The following IMMP1L variants were observed in gnomAD, a reference collection of about 807,000 sequenced individuals.
IMMP1L encodes the protein mitochondrial inner membrane protease subunit 1.
IMMP1L carries 24 observed loss-of-function variants against 21.8 expected under a neutral mutation model. That is an observed-to-expected ratio of 1.10 (90% CI 0.80 to 1.55). The LOEUF (loss-of-function observed/expected upper bound fraction) is 1.55. Ranked by LOEUF, IMMP1L falls within the 40% of genes most tolerant of loss-of-function variation. The pLI is 0.00. For synonymous variants in IMMP1L, 46 were observed against 62.8 expected, an observed-to-expected ratio of 0.73 and a Z score of 1.26; for missense variants, 195 against 200.7, an observed-to-expected ratio of 0.97 and a Z score of 0.17.
intron 3 of IMMP1L, among the ~76,000 whole-genome samples, chr11:31,457,487 G>C (rs1953985826): frequency 6.6e-6 from 1 of 152,098 alleles, no homozygotes; most frequent in African/African-American, 2.4e-5. Context: ...ATTGTACCTA[G>C]TTCCAGAAAT....
At chr11:31,437,256 T>C (rs1276477843) in intron 4 of IMMP1L, 2 of 360,296 alleles carry the variant, frequency 5.6e-6, no homozygotes, top group East Asian at 1.4e-4. Flanking sequence ...AACATGAAAT[T>C]CATTTATGTT....
intron 4 of IMMP1L, among the ~76,000 whole-genome samples, chr11:31,442,823 CAG>C (rs1953382504): frequency 6.6e-6 from 1 of 151,836 alleles, no homozygotes; most frequent in Admixed American, 6.6e-5. Flanking sequence ...TGAAAGCAAT[CAG>C]ATAGTCTTTT....
intron 1 of IMMP1L, among the ~76,000 whole-genome samples, chr11:31,497,460 CTT>C (rs796666845): frequency 7.9e-4 from 98 of 123,968 alleles, no homozygotes; most frequent in East Asian, 4.9e-3. Flanking sequence ...TATTTCTTTT[CTT>C]TTTTTTTTTT....
intron 4 of IMMP1L, among the ~76,000 whole-genome samples, chr11:31,438,429 AG>A (rs1359672220): frequency 2.6e-5 from 4 of 152,130 alleles, no homozygotes; most frequent in African/African-American, 9.7e-5. Context: ...CATGGATACA[AG>A]TCCTTTGATG....
intron 4 of IMMP1L, among the ~76,000 whole-genome samples, chr11:31,450,559 C>T (rs960525273): frequency 1.3e-5 from 2 of 152,174 alleles, no homozygotes. Flanking sequence ...TCTCCTGGTA[C>T]ACCGTAAGAG....
At chr11:31,433,438 C>T (rs753805691) in intron 5 of IMMP1L, 22 bp downstream of exon 5, 6 of 1,355,586 alleles carry the variant, frequency 4.4e-6, no homozygotes, top group Non-Finnish European at 4.1e-6. Flanking sequence ...ATAAACCTTA[C>T]ATTTTAAGCA....
At chr11:31,444,435 G>A (rs759113465) in intron 4 of IMMP1L, among the ~76,000 whole-genome samples, 2 of 151,918 alleles carry the variant, frequency 1.3e-5, no homozygotes, top group Non-Finnish European at 2.9e-5. Flanking sequence ...TATAGCTCTG[G>A]TGTTACCCAA....
intron 1 of IMMP1L, among the ~76,000 whole-genome samples, chr11:31,475,641 C>A (rs751673277): frequency 6.6e-6 from 1 of 152,164 alleles, no homozygotes; most frequent in Non-Finnish European, 1.5e-5. Context: ...TCCCTTAAGT[C>A]TTACTGACAT....
intron 1 of IMMP1L, among the ~76,000 whole-genome samples, chr11:31,504,159 G>A (rs892732385): frequency 1.3e-4 from 19 of 151,998 alleles, no homozygotes; most frequent in Admixed American, 8.5e-4. Flanking sequence ...GATCATCTTC[G>A]AAATTTTGGA....
At chr11:31,501,790 CAAATAAATAAATAAATAAAT>C (rs55861509) in intron 1 of IMMP1L, among the ~76,000 whole-genome samples, 1,925 of 139,674 alleles carry the variant, frequency 0.014, 39 homozygotes, top group African/African-American at 0.05. Context: ...CCCATCTCTA[CAAATAAATAAATAAATAAAT>C]AAATAAATAA....
chr11:31,492,724 T>C (rs925920237), intron 1 of IMMP1L, among the ~76,000 whole-genome samples: 2 of 152,144 alleles, frequency 1.3e-5, no homozygotes, highest in African/African-American at 2.4e-5. Flanking sequence ...ATGAAGTGAA[T>C]AGGGAGTGAA....
chr11:31,490,350 T>A (rs558633907), intron 1 of IMMP1L, among the ~76,000 whole-genome samples: 108 of 151,882 alleles, frequency 7.1e-4, no homozygotes, highest in Non-Finnish European at 1.3e-3. Flanking sequence ...CGCGCGCCTG[T>A]AATCCCAGCT....
chr11:31,455,089 A>G (rs1346634072), intron 4 of IMMP1L, among the ~76,000 whole-genome samples: 2 of 152,210 alleles, frequency 1.3e-5, no homozygotes, highest in Non-Finnish European at 2.9e-5. Flanking sequence ...GTAGTAATAA[A>G]TATCAAAAAC....
Position 31,435,263 on chromosome 11 carries a change from A to G in IMMP1L, c.322-1693T>C, listed in dbSNP as rs530037319. Among the ~76,000 whole-genome samples the G allele has an allele frequency of 3.3e-4, 50 of 152,280 alleles. No homozygotes were observed. In the South Asian group the frequency reaches 0.01, roughly 31 times the overall value. On this transcript the variant is annotated intron_variant, in intron 4 of 5. Transcript: ENST00000532287. ...CCAGGATCAGTGGTTTCTACATTCC[A>G]TCTCTTCATGAAGCTTTCCCTAAAC...
chr11:31,432,964 A>G (rs1952965119), intron 5 of IMMP1L, among the ~76,000 whole-genome samples: 1 of 152,210 alleles, frequency 6.6e-6, no homozygotes, highest in Non-Finnish European at 1.5e-5. Flanking sequence ...ATTATCCAAC[A>G]GCTCCATGTA....
chr11:31,456,950 A>AAAAAAG (rs10649119), intron 3 of IMMP1L, among the ~76,000 whole-genome samples: 136,461 of 136,626 alleles, frequency 1, 68,148 homozygotes, highest in Middle Eastern at 1. Flanking sequence ...AAGTGAACCA[A>AAAAAAG]AAAAAGAAAA....
chr11:31,440,298 T>C (rs1953277507), intron 4 of IMMP1L, among the ~76,000 whole-genome samples: 1 of 152,216 alleles, frequency 6.6e-6, no homozygotes. Flanking sequence ...CATATTTTTG[T>C]CCAGTTTTCT....
chr11:31,441,873 AT>A (rs1258955970), intron 4 of IMMP1L, among the ~76,000 whole-genome samples: 1 of 152,160 alleles, frequency 6.6e-6, no homozygotes, highest in Non-Finnish European at 1.5e-5. Flanking sequence ...TGTTTTACAA[AT>A]GGCCCAAAAT....
chr11:31,468,779 G>A (rs1028046944), intron 1 of IMMP1L, among the ~76,000 whole-genome samples: 1 of 152,206 alleles, frequency 6.6e-6, no homozygotes, highest in East Asian at 1.9e-4. Flanking sequence ...AAGTGATAGA[G>A]AATAACGGGT....
Sources: allele counts gnomAD v4.1 joint callset (sites outside exome capture counted in the v4.1 genomes callset), GRCh38; gene constraint gnomAD v4.1.1; transcripts MANE v1.5; gene names NCBI Gene and HGNC (gene_info 2026-07-23, HGNC 2026-07-21).